BCAS3: variants seen among roughly 807,000 people sequenced by gnomAD.
The protein encoded by BCAS3 is BCAS4/BCAS3 fusion.
Under a neutral mutation model 116.1 loss-of-function variants are expected in BCAS3, and 53 were observed. The ratio of observed to expected loss-of-function variants is 0.46; its 90% CI spans 0.37 to 0.57. BCAS3 has a LOEUF of 0.57. Ranked by LOEUF, BCAS3 falls within the 20% of genes least tolerant of loss-of-function variation. The pLI, the probability that BCAS3 is intolerant of heterozygous loss-of-function variation, is 0.00. For synonymous variants in BCAS3, 391 were observed against 408.2 expected, an observed-to-expected ratio of 0.96 and a Z score of 0.51; for missense variants, 917 against 1,165.4, an observed-to-expected ratio of 0.79 and a Z score of 3.10.
chr17:60,931,939 G>C (rs893622465), intron 13 of BCAS3, among the ~76,000 whole-genome samples: 6 of 152,102 alleles, frequency 3.9e-5, no homozygotes, highest in Admixed American at 1.3e-4. Flanking sequence ...TGGGTGTAGT[G>C]GTGCACTCCT....
At chr17:61,164,068 G>T (rs2078333795) in intron 22 of BCAS3, among the ~76,000 whole-genome samples, 1 of 147,028 alleles carries the variant, frequency 6.8e-6, no homozygotes, top group Non-Finnish European at 1.5e-5. Context: ...AGATTTTTGG[G>T]CACTGAAATC....
chr17:61,026,802 A>G lies in BCAS3; in HGVS notation c.1638-7864A>G, dbSNP rs2066277896. On this transcript the variant is annotated intron_variant, in intron 16 of 23. Transcript: ENST00000407086. The surrounding 1 kb of genome is among the most constrained non-coding windows in gnomAD (Gnocchi z 5.0). ...CTCTATAACAGTATGATATACTTGT[A>G]TTTGCTAATGTTAAATGAGTTTTTC... is the stretch of plus-strand genomic sequence containing the variant. 7 of 1,427,126 alleles carry G rather than the reference A, an allele frequency of 4.9e-6. No individual in the cohort carries two copies. The highest frequency in any genetic ancestry group is 5.8e-6 in the Non-Finnish European group (6 of 1,032,296). The allele number at this position is 1,427,126 out of a possible 1,614,324, so 88.4% of individuals were successfully genotyped here.
At position 61,316,537 on chromosome 17, in the gene BCAS3, A is replaced by G. The variant is rs8076158; in HGVS notation, c.2426-51790A>G. 0.81 allele frequency among the ~76,000 whole-genome samples: 123,036 copies of G among 151,584 alleles called. 50,074 individuals carry two copies. Among genetic ancestry groups the G allele is most frequent in the African/African-American group, 0.86 (35,500 of 41,308 alleles). ...CCACATGCCGCCGCGTCCCTTCCACAGCTCCCCTGCAGTAGCACCCCTCTG... is the reference window on the plus strand; with the variant it reads ...CCACATGCCGCCGCGTCCCTTCCACGGCTCCCCTGCAGTAGCACCCCTCTG... On this transcript the variant is annotated intron_variant, in intron 22 of 23. Coordinates refer to ENST00000407086, the MANE Select transcript of BCAS3 (RefSeq NM_017679.5). This position sits in a 1 kb window ranked among gnomAD's most constrained non-coding sequence, Gnocchi z 5.8.
intron 22 of BCAS3, among the ~76,000 whole-genome samples, chr17:61,303,083 G>A (rs543612508): frequency 3.9e-5 from 6 of 152,324 alleles, no homozygotes; most frequent in African/African-American, 1.2e-4. Flanking sequence ...AGATGGACCC[G>A]AAGCACTTCA....
chr17:60,952,793 C>T (rs1426740068), intron 14 of BCAS3, among the ~76,000 whole-genome samples: 1 of 151,990 alleles, frequency 6.6e-6, no homozygotes, highest in African/African-American at 2.4e-5. Context: ...CAAGGAGGCC[C>T]CAGTGTCTGT....
chr17:60,761,654 C>T (rs1411299837), intron 6 of BCAS3, among the ~76,000 whole-genome samples: 1 of 152,110 alleles, frequency 6.6e-6, no homozygotes, highest in Middle Eastern at 3.4e-3. Context: ...TGAGTAGTGC[C>T]GCAATAAACA....
In BCAS3 at chr17:61,068,861, G is replaced by A. The variant is rs181524034; in HGVS notation, c.2030-6059G>A. On this transcript the variant is annotated intron_variant, in intron 19 of 23. Coordinates refer to ENST00000407086, the MANE Select transcript of BCAS3 (RefSeq NM_017679.5). The surrounding 1 kb of genome is among the most constrained non-coding windows in gnomAD (Gnocchi z 4.3). Reference sequence around the variant, plus strand: ...CTTATCATATTTTCTTTTTATCAAGGTTGTAAATTCTTTTTTCCATGTGAA... The same window carrying A: ...CTTATCATATTTTCTTTTTATCAAGATTGTAAATTCTTTTTTCCATGTGAA... Among the ~76,000 whole-genome samples the A allele has an allele frequency of 2.8e-3, 430 of 152,188 alleles. 2 individuals are homozygous for A. Among genetic ancestry groups the A allele is most frequent in the African/African-American group, 9.8e-3 (409 of 41,526 alleles).
At chr17:60,730,890 G>A (rs1393876748) in intron 5 of BCAS3, among the ~76,000 whole-genome samples, 1 of 152,144 alleles carries the variant, frequency 6.6e-6, no homozygotes, top group Non-Finnish European at 1.5e-5. Context: ...CTTACAGGGT[G>A]TTTTGAGGGA....
chr17:61,300,555 AAAAAG>A lies in BCAS3; in HGVS notation c.2426-67752_2426-67748del, dbSNP rs558459812. Among the ~76,000 whole-genome samples, 18 of 152,258 alleles carry A rather than the reference AAAAAG, an allele frequency of 1.2e-4. 1 individual carries two copies. The highest frequency in any genetic ancestry group is 3.3e-4 in the Admixed American group (5 of 15,296). ...CATCTTGACGCAGTGTTCCTGGCCA[AAAAAG>A]AAAAGAAAAGAAAAGAAAAATGTAT... On this transcript the variant is annotated intron_variant, in intron 22 of 23. Coordinates refer to ENST00000407086, the MANE Select transcript of BCAS3 (RefSeq NM_017679.5). The surrounding 1 kb of genome is among the most constrained non-coding windows in gnomAD (Gnocchi z 5.1).
chr17:60,814,881 CTGTG>C (rs1454616807), intron 7 of BCAS3, among the ~76,000 whole-genome samples: 1 of 152,030 alleles, frequency 6.6e-6, no homozygotes, highest in African/African-American at 2.4e-5. Flanking sequence ...TTTAAAAGTC[CTGTG>C]CCTTCTAGAT....
At chr17:61,085,715 G>A (rs2073035472) in intron 22 of BCAS3, among the ~76,000 whole-genome samples, 1 of 152,148 alleles carries the variant, frequency 6.6e-6, no homozygotes, top group Non-Finnish European at 1.5e-5. Flanking sequence ...CTGGAAATGA[G>A]CATGGAAATG....
intron 6 of BCAS3, among the ~76,000 whole-genome samples, chr17:60,756,262 C>T (rs973062073): frequency 1.3e-5 from 2 of 152,144 alleles, no homozygotes; most frequent in Non-Finnish European, 2.9e-5. Context: ...CTAATGCCAC[C>T]ACTTACCTAA....
chr17:60,799,524 G>GTTTTTTTTTTT (rs869112996), intron 6 of BCAS3, among the ~76,000 whole-genome samples: 3 of 102,382 alleles, frequency 2.9e-5, no homozygotes, highest in African/African-American at 7.4e-5. Flanking sequence ...ATTAGTGTTT[G>GTTTTTTTTTTT]TTTTTTTTTT....
chr17:60,903,267 A>G (rs936473636), intron 11 of BCAS3, among the ~76,000 whole-genome samples: 5 of 152,264 alleles, frequency 3.3e-5, no homozygotes, highest in Admixed American at 3.3e-4. Flanking sequence ...AAGCACAACC[A>G]TTCAGAAAAG....
intron 13 of BCAS3, among the ~76,000 whole-genome samples, chr17:60,944,689 A>T (rs2060393361): frequency 6.6e-6 from 1 of 152,186 alleles, no homozygotes; most frequent in African/African-American, 2.4e-5. Flanking sequence ...AACGAGGCTT[A>T]TCCCAAGAAT....
At chr17:60,887,454 A>G (rs189378732) in intron 9 of BCAS3, 19 of 153,282 alleles carry the variant, frequency 1.2e-4, no homozygotes, top group African/African-American at 4.6e-4. Context: ...AGCTGTTCGT[A>G]TTCGGCCATC....
At chr17:61,133,478 A>G (rs371078873) in intron 22 of BCAS3, among the ~76,000 whole-genome samples, 20 of 152,322 alleles carry the variant, frequency 1.3e-4, no homozygotes, top group African/African-American at 4.3e-4. Flanking sequence ...CTAATTGCCA[A>G]GTTTGTAAGA....
intron 7 of BCAS3, among the ~76,000 whole-genome samples, chr17:60,862,596 G>T (rs973313912): frequency 6.6e-6 from 1 of 152,074 alleles, no homozygotes; most frequent in African/African-American, 2.4e-5. Flanking sequence ...TAGTTTCTGT[G>T]CATAGAGGTG....
intron 5 of BCAS3, among the ~76,000 whole-genome samples, chr17:60,710,520 C>T (rs147026275): frequency 0.022 from 3,260 of 151,550 alleles, 122 homozygotes; most frequent in African/African-American, 0.076. Flanking sequence ...CAAGCTCTGC[C>T]TCCCGGGTTA....
Sources: allele counts gnomAD v4.1 joint callset (sites outside exome capture counted in the v4.1 genomes callset), GRCh38; gene constraint gnomAD v4.1.1; non-coding constraint Gnocchi (gnomAD v3.1); transcripts MANE v1.5; gene names NCBI Gene and HGNC (gene_info 2026-07-23, HGNC 2026-07-21).